The following KCTD1 variants were observed in gnomAD, a reference collection of about 807,000 sequenced individuals.
The protein encoded by KCTD1 is BTB/POZ domain-containing protein KCTD1.
A neutral mutation model predicts 66.0 loss-of-function variants in KCTD1; 24 were observed. The ratio of observed to expected loss-of-function variants is 0.36; its 90% CI spans 0.26 to 0.51. The LOEUF (loss-of-function observed/expected upper bound fraction) is 0.51, where lower values mean the gene tolerates loss of function less well. Ranked by LOEUF, KCTD1 falls within the 20% of genes least tolerant of loss-of-function variation. The pLI is 0.95. For synonymous variants in KCTD1, 511 were observed against 517.2 expected (o/e 0.99, Z 0.16); for missense variants, 943 against 1,205.2 (o/e 0.78, Z 3.22).
rs9948096 is a variant in KCTD1 at position 26,504,532 on chromosome 18, A to C, written c.1810-3282T>G. ...AGGCATGAGCTACCACATCTGGCCT[A>C]ATTTTTTATTTTTAACGTTTTTAGA... On this transcript the variant is annotated intron_variant, in intron 1 of 4. Coordinates refer to ENST00000580059, the MANE Select transcript of KCTD1 (RefSeq NM_001142730.3). Among the ~76,000 whole-genome samples the C allele has an allele frequency of 7.9e-3, 1,205 of 151,850 alleles. 20 individuals carry two copies. Among genetic ancestry groups the C allele is most frequent in the African/African-American group, 0.028 (1,145 of 41,392 alleles).
At chr18:26,531,366 A>G (rs1029988338) in intron 1 of KCTD1, among the ~76,000 whole-genome samples, 4 of 152,148 alleles carry the variant, frequency 2.6e-5, no homozygotes, top group African/African-American at 7.2e-5. Flanking sequence ...CCCAAAATCA[A>G]TTAGAAAATT....
chr18:26,632,154 G>A (rs1035342227), upstream of KCTD1, among the ~76,000 whole-genome samples: 5 of 151,972 alleles, frequency 3.3e-5, no homozygotes, highest in Non-Finnish European at 7.4e-5. Flanking sequence ...GGAGGCCGAG[G>A]CGGGCAGATC....
At chr18:26,651,783 C>CA (rs397858862) in intron 1 of KCTD1, among the ~76,000 whole-genome samples, 12,336 of 74,888 alleles carry the variant, frequency 0.16, 1,121 homozygotes, top group South Asian at 0.26. Flanking sequence ...AACTCGGTCT[C>CA]AAAAAAAAAA....
chr18:26,600,803 C>T (rs1986877260), intron 1 of KCTD1, among the ~76,000 whole-genome samples: 1 of 152,084 alleles, frequency 6.6e-6, no homozygotes, highest in East Asian at 1.9e-4. Flanking sequence ...GTCTCACAAC[C>T]TCCTCAGGGC....
intron 1 of KCTD1, among the ~76,000 whole-genome samples, chr18:26,615,781 A>T (rs1369899948): frequency 6.6e-6 from 1 of 152,152 alleles, no homozygotes; most frequent in Non-Finnish European, 1.5e-5. Flanking sequence ...TAGCTATAGG[A>T]ATTGGGATCA....
At chr18:26,650,079 A>G (rs1988001700) in intron 1 of KCTD1, among the ~76,000 whole-genome samples, 2 of 152,224 alleles carry the variant, frequency 1.3e-5, no homozygotes, top group Admixed American at 1.3e-4. Context: ...CGACCTCCAC[A>G]TGAGTAATCA....
At chr18:26,458,200 T>A (rs8099440) in intron 4 of KCTD1, 8,463 of 152,434 alleles carry the variant, frequency 0.056, 292 homozygotes, top group African/African-American at 0.074. Flanking sequence ...GCCCGCCGCC[T>A]GGGAGCATGT....
chr18:26,517,956 T>C (rs1983739933), intron 1 of KCTD1, among the ~76,000 whole-genome samples: 1 of 152,182 alleles, frequency 6.6e-6, no homozygotes, highest in African/African-American at 2.4e-5. Flanking sequence ...TCCCCCCAAG[T>C]CCCCCAACCA....
At chr18:26,508,002 GA>G (rs1030865787) in intron 1 of KCTD1, among the ~76,000 whole-genome samples, 2 of 151,538 alleles carry the variant, frequency 1.3e-5, no homozygotes, top group African/African-American at 2.4e-5. Flanking sequence ...AATAATCTTG[GA>G]AAAAAAATCC....
Position 26,465,648 on chromosome 18 carries a change from A to G in KCTD1, c.2134-5723T>C, listed in dbSNP as rs73944607. Among the ~76,000 whole-genome samples the G allele has an allele frequency of 9.8e-3, 1,486 of 152,306 alleles. 21 individuals are homozygous for G. Among genetic ancestry groups the G allele is most frequent in the African/African-American group, 0.034 (1,405 of 41,562 alleles). On this transcript the variant is annotated intron_variant, in intron 3 of 4. Coordinates refer to ENST00000580059, the MANE Select transcript of KCTD1 (RefSeq NM_001142730.3). Reference sequence around the variant, plus strand: ...TCCCATCTTACAGACAGAAGCACACACAGGTGACCGTGTCAGGGTGCTGAC... The same window carrying G: ...TCCCATCTTACAGACAGAAGCACACGCAGGTGACCGTGTCAGGGTGCTGAC...
intron 1 of KCTD1, among the ~76,000 whole-genome samples, chr18:26,509,862 T>C (rs544934819): frequency 2.0e-5 from 3 of 152,216 alleles, no homozygotes; most frequent in Non-Finnish European, 4.4e-5. Context: ...GTGCGATCTC[T>C]GAGAAGTTAC....
intron 1 of KCTD1, among the ~76,000 whole-genome samples, chr18:26,508,959 C>A (rs1401081554): frequency 2.0e-5 from 3 of 152,120 alleles, no homozygotes; most frequent in Non-Finnish European, 4.4e-5. Flanking sequence ...CTGACCACAG[C>A]TACTTAATTG....
intron 1 of KCTD1, among the ~76,000 whole-genome samples, chr18:26,535,565 C>G (rs17799927): frequency 0.054 from 8,176 of 152,246 alleles, 303 homozygotes; most frequent in Non-Finnish European, 0.083. Flanking sequence ...TTCATTTCAC[C>G]CGACCCATCA....
intron 2 of KCTD1, among the ~76,000 whole-genome samples, chr18:26,477,365 T>C (rs1981404466): frequency 6.6e-6 from 1 of 152,194 alleles, no homozygotes; most frequent in South Asian, 2.1e-4. Context: ...TTTCCCAATT[T>C]TGGAATGAAC....
chr18:26,464,885 C>T (rs1424306407), intron 3 of KCTD1, among the ~76,000 whole-genome samples: 1 of 152,148 alleles, frequency 6.6e-6, no homozygotes, highest in Non-Finnish European at 1.5e-5. Flanking sequence ...AGGATTTTAC[C>T]TTTTCCATTT....
At chr18:26,480,166 T>A (rs1011069154) in intron 2 of KCTD1, among the ~76,000 whole-genome samples, 43 of 151,994 alleles carry the variant, frequency 2.8e-4, no homozygotes, top group African/African-American at 8.4e-4. Flanking sequence ...TTTTACTTTT[T>A]AAAACATTTT....
chr18:26,562,431 G>A (rs1366661286), intron 1 of KCTD1, among the ~76,000 whole-genome samples: 6 of 148,486 alleles, frequency 4.0e-5, no homozygotes, highest in Non-Finnish European at 7.5e-5. Flanking sequence ...CCCGGTGGGG[G>A]GTGGGGGGGT....
upstream of KCTD1, chr18:26,549,162 T>G: frequency 1.0e-6 from 1 of 984,940 alleles, no homozygotes; most frequent in Non-Finnish European, 1.2e-6. Flanking sequence ...CCCCGCACCC[T>G]CTCGGCGCCC....
chr18:26,629,403 G>C (rs1012732045), upstream of KCTD1, among the ~76,000 whole-genome samples: 11 of 152,228 alleles, frequency 7.2e-5, no homozygotes, highest in African/African-American at 2.4e-4. Context: ...GCAAGGTGCA[G>C]AAGATACCAA....
Sources: gnomAD v4.1 joint callset for allele counts (sites outside exome capture counted in the v4.1 genomes callset) on GRCh38, gnomAD v4.1.1 for gene constraint, MANE v1.5 for transcripts, NCBI Gene and HGNC (gene_info 2026-07-23, HGNC 2026-07-21) for gene names.